The following PEMT variants were observed in gnomAD, a reference collection of about 807,000 sequenced individuals.
PEMT encodes phosphatidylethanolamine N-methyltransferase, also known as phospholipid methyltransferase.
Under a neutral mutation model 27.4 loss-of-function variants are expected in PEMT, and 23 were observed. The ratio of observed to expected loss-of-function variants is 0.84; its 90% confidence interval spans 0.60 to 1.19. The LOEUF is 1.19. Among genes scored for constraint, PEMT ranks in the 50% most tolerant of loss-of-function variants. The pLI is 0.00. For missense variants in PEMT, 307 were observed against 310.1 expected, an observed-to-expected ratio of 0.99 and a Z score of 0.07; for synonymous variants, 137 against 139.1, an observed-to-expected ratio of 0.98 and a Z score of 0.11.
rs115320428 is a variant in PEMT at position 17,537,786 on chromosome 17, G to T, written c.205-15391C>A. 2.7e-3 allele frequency among the ~76,000 whole-genome samples: 417 copies of T among 152,346 alleles called. 1 individual carries two copies. Among genetic ancestry groups the T allele is most frequent in the African/African-American group, 9.3e-3 (387 of 41,578 alleles). ...TGTGCCTAGATTTCCCGGGGAGGGA[G>T]ATTTGAGACATGGACAGTGCCTGCT... On this transcript the variant is annotated intron_variant, in intron 2 of 6. Transcript: ENST00000255389.
At chr17:17,589,772 T>C (rs4244599) in intron 1 of PEMT, among the ~76,000 whole-genome samples, 75,563 of 152,072 alleles carry the variant, frequency 0.5, 19,190 homozygotes, top group African/African-American at 0.58. Flanking sequence ...TGTTTCTTTC[T>C]TTCTTTCTTT....
intron 2 of PEMT, among the ~76,000 whole-genome samples, chr17:17,573,752 GT>G (rs1341112928): frequency 6.6e-6 from 1 of 152,148 alleles, no homozygotes; most frequent in African/African-American, 2.4e-5. Context: ...AGTTATTTAA[GT>G]GCTTCCCTGG....
At chr17:17,509,605 T>G (rs1167612845) in intron 4 of PEMT, 60 bp from the exon 5 acceptor site, 3 of 1,187,144 alleles carry the variant, frequency 2.5e-6, no homozygotes, top group Non-Finnish European at 3.8e-6. Context: ...ACACCATCAC[T>G]GAGGGAGGCC....
At chr17:17,516,220 C>T (rs1007836236) in intron 3 of PEMT, among the ~76,000 whole-genome samples, 23 of 152,180 alleles carry the variant, frequency 1.5e-4, no homozygotes, top group African/African-American at 4.8e-4. Flanking sequence ...CTCAGCTACA[C>T]GACGCTAGCC....
At chr17:17,549,250 C>A (rs1357379612) in intron 2 of PEMT, among the ~76,000 whole-genome samples, 6 of 152,134 alleles carry the variant, frequency 3.9e-5, no homozygotes, top group Non-Finnish European at 7.3e-5. Context: ...AGTGCAGTGG[C>A]ACAATCTTGG....
chr17:17,583,847 G>A (rs1912102415), intron 1 of PEMT, among the ~76,000 whole-genome samples: 1 of 152,218 alleles, frequency 6.6e-6, no homozygotes, highest in African/African-American at 2.4e-5. Context: ...ACCACCTCAT[G>A]GCAGGAGGGG....
intron 2 of PEMT, among the ~76,000 whole-genome samples, chr17:17,563,217 C>T (rs1401789014): frequency 2.0e-5 from 3 of 152,136 alleles, no homozygotes; most frequent in Non-Finnish European, 4.4e-5. Flanking sequence ...TGGGGGTTCC[C>T]ACCAGCTGCT....
upstream of PEMT, chr17:17,591,849 T>G: frequency 7.3e-7 from 1 of 1,373,306 alleles, no homozygotes; most frequent in Non-Finnish European, 9.4e-7. Flanking sequence ...CAAGTCCCAG[T>G]GTGTTTCGCC....
chr17:17,522,453 G>T, intron 2 of PEMT, 58 bp from the exon 3 acceptor site: 3 of 1,070,234 alleles, frequency 2.8e-6, no homozygotes, highest in Non-Finnish European at 4.3e-6. Flanking sequence ...CCAGGGTGGG[G>T]GTGGGGAGCA....
rs190908825 is a variant in PEMT, at chr17:17,554,260, G to A, written c.204+22660C>T. 1.6e-3 allele frequency among the ~76,000 whole-genome samples: 250 copies of A among 152,370 alleles called. 1 individual carries two copies. Among genetic ancestry groups the A allele is most frequent in the Middle Eastern group, 6.8e-3 (2 of 294 alleles). On this transcript the variant is annotated intron_variant, in intron 2 of 6. Coordinates refer to ENST00000255389, the MANE Select transcript of PEMT (RefSeq NM_148172.3). ...CCTCCCCTCAGCCACAAGGCAGTGG[G>A]AGGCTGGCCTCTGTCCCTCGGTAAA...
chr17:17,529,335 T>C (rs1023610294), intron 2 of PEMT, among the ~76,000 whole-genome samples: 1 of 152,076 alleles, frequency 6.6e-6, no homozygotes, highest in Non-Finnish European at 1.5e-5. Flanking sequence ...GGCCAGGGCC[T>C]CTCCAGGACA....
intron 2 of PEMT, among the ~76,000 whole-genome samples, chr17:17,526,913 A>AT (rs1258101054): frequency 6.6e-6 from 1 of 152,218 alleles, no homozygotes; most frequent in African/African-American, 2.4e-5. Flanking sequence ...CAGCCCAGCT[A>AT]TGCAGTAAGG....
At chr17:17,566,334 T>C (rs899251541) in intron 2 of PEMT, among the ~76,000 whole-genome samples, 1 of 152,154 alleles carries the variant, frequency 6.6e-6, no homozygotes, top group Non-Finnish European at 1.5e-5. Flanking sequence ...CCTGGTTGCA[T>C]GGCTTCCTGG....
rs1223365164 is a variant in PEMT, at chr17:17,570,845, C to G, written c.204+6075G>C. 1.0e-5 allele frequency: 10 copies of G among 985,400 alleles called. No individual in the cohort carries two copies. In the East Asian group the frequency reaches 1.1e-3, roughly 112 times the overall value. The allele number at this position is 985,400 out of a possible 1,614,324, so 61.0% of individuals were successfully genotyped here. On this transcript the variant is annotated intron_variant, in intron 2 of 6. Coordinates refer to ENST00000255389, the MANE Select transcript of PEMT (RefSeq NM_148172.3). ...GTGATGGCACGAAGCCAGGTAGAGT[C>G]CGCGAGGGTACAGATCCGGGGGCAG...
chr17:17,539,761 C>G (rs903249737), intron 2 of PEMT, among the ~76,000 whole-genome samples: 3 of 152,232 alleles, frequency 2.0e-5, no homozygotes, highest in African/African-American at 7.2e-5. Flanking sequence ...GGGCACAGCC[C>G]TGCAGCTGAG....
rs145621925 is a variant in PEMT at position 17,531,804 on chromosome 17, T to C, written c.205-9409A>G. The stretch of plus-strand genomic sequence containing the variant: ...AATAGACTAGAGAGAATCTTTATGA[T>C]CTTGGATTATATGATGATTTCTTAG... On this transcript the variant is annotated intron_variant, in intron 2 of 6. Coordinates refer to ENST00000255389, the MANE Select transcript of PEMT (RefSeq NM_148172.3). Among the ~76,000 whole-genome samples, 313 of 152,178 alleles carry C rather than the reference T, an allele frequency of 2.1e-3. 1 individual carries two copies. In the Middle Eastern group the frequency reaches 0.024, roughly 12 times the overall value.
chr17:17,544,303 G>A (rs1393712075), intron 2 of PEMT, among the ~76,000 whole-genome samples: 1 of 150,586 alleles, frequency 6.6e-6, no homozygotes, highest in Non-Finnish European at 1.5e-5. Flanking sequence ...TTTTTTAGAC[G>A]GAGTTTTGCT....
chr17:17,529,833 T>C (rs977356134), intron 2 of PEMT, among the ~76,000 whole-genome samples: 9 of 152,204 alleles, frequency 5.9e-5, no homozygotes, highest in Non-Finnish European at 1.3e-4. Context: ...CGTATAAAGA[T>C]GGAACCCACC....
chr17:17,506,407 C>T (rs1905850573), intron 5 of PEMT, 106 bp from the exon 6 acceptor site: 3 of 759,724 alleles, frequency 3.9e-6, no homozygotes, highest in South Asian at 1.8e-5. Context: ...GCCCTCCGGC[C>T]GACGCTGGGC....
Sources: allele counts gnomAD v4.1 joint callset (sites outside exome capture counted in the v4.1 genomes callset), GRCh38; gene constraint gnomAD v4.1.1; transcripts MANE v1.5; gene names NCBI Gene and HGNC (gene_info 2026-07-23, HGNC 2026-07-21).